Variants in ADD2 observed in about 807,000 individuals in gnomAD.
ADD2 encodes the protein adducin 2, also known as beta-adducin.
Under a neutral mutation model 83.0 loss-of-function variants are expected in ADD2, and 23 were observed. That is an observed-to-expected ratio of 0.28 (90% CI 0.20 to 0.39). The LOEUF is 0.39. Among genes scored for constraint, ADD2 ranks in the 10% least tolerant of loss-of-function variants. The probability of loss-of-function intolerance (pLI) is 1.00; values close to 1 mark genes in which losing one functional copy is unlikely to be tolerated. For synonymous variants in ADD2, 375 were observed against 375.4 expected (o/e 1.00, Z 0.01); for missense variants, 758 against 944.9 (o/e 0.80, Z 2.59).
chr2:70,764,218 A>G (rs1393045423), intron 1 of ADD2, among the ~76,000 whole-genome samples: 1 of 151,874 alleles, frequency 6.6e-6, no homozygotes, highest in Non-Finnish European at 1.5e-5. Flanking sequence ...TAAGGTACCT[A>G]TTGGAGAGTT....
chr2:70,689,559 G>A (rs1014913412), intron 8 of ADD2, among the ~76,000 whole-genome samples: 1 of 152,250 alleles, frequency 6.6e-6, no homozygotes, highest in Admixed American at 6.5e-5. Flanking sequence ...GCACTTCGTA[G>A]ATGTGAATAT....
intron 11 of ADD2, 97 bp from the exon 12 acceptor site, chr2:70,677,974 T>C (rs1273486314): frequency 6.5e-7 from 1 of 1,527,510 alleles, no homozygotes; most frequent in Non-Finnish European, 9.0e-7. Flanking sequence ...ACATCCTGCA[T>C]GGAAGGTCAG....
At chr2:70,688,527 T>C (rs1670858491) in intron 8 of ADD2, among the ~76,000 whole-genome samples, 1 of 152,222 alleles carries the variant, frequency 6.6e-6, no homozygotes, top group East Asian at 1.9e-4. Flanking sequence ...TTAAAGTGAA[T>C]GAAGTTGTTT....
intron 6 of ADD2, among the ~76,000 whole-genome samples, chr2:70,694,032 C>CAAAA (rs1671186688): frequency 6.6e-6 from 1 of 152,180 alleles, no homozygotes; most frequent in African/African-American, 2.4e-5. Context: ...GGTTGGATTT[C>CAAAA]ACCCTCTCTT....
intron 15 of ADD2, among the ~76,000 whole-genome samples, chr2:70,664,254 AATTCCTT>A (rs1675661568): frequency 1.3e-5 from 2 of 152,320 alleles, no homozygotes; most frequent in Middle Eastern, 3.4e-3. Context: ...GGGAGAGTGG[AATTCCTT>A]ATATAACACA....
At chr2:70,765,197 G>T (rs907838449) in intron 1 of ADD2, among the ~76,000 whole-genome samples, 1 of 150,466 alleles carries the variant, frequency 6.6e-6, no homozygotes, top group African/African-American at 2.5e-5. Context: ...TACTAAAAAT[G>T]CAAAAATTAG....
intron 12 of ADD2, among the ~76,000 whole-genome samples, chr2:70,677,128 A>T (rs1670194566): frequency 1.3e-5 from 2 of 152,176 alleles, no homozygotes; most frequent in Non-Finnish European, 2.9e-5. Flanking sequence ...AACTATGAAA[A>T]GTAAAATGAG....
Position 70,676,707 on chromosome 2 carries a change from A to C in ADD2, c.1593+89T>G. On this transcript the variant is annotated intron_variant, in intron 13 of 15. Coordinates refer to ENST00000264436, the MANE Select transcript of ADD2 (RefSeq NM_001617.4). The surrounding 1 kb of genome is among the most constrained non-coding windows in gnomAD (Gnocchi z 4.8). Reference sequence around the variant, plus strand: ...ATCACAGGGGAAGGTGGGTATGAGGACTCAGGGGTCCTGCAACCCAGCCCC... The same window carrying C: ...ATCACAGGGGAAGGTGGGTATGAGGCCTCAGGGGTCCTGCAACCCAGCCCC... The C allele has an allele frequency of 6.3e-7, 1 of 1,580,618 alleles. No individual in the cohort carries two copies.
intron 1 of ADD2, among the ~76,000 whole-genome samples, chr2:70,717,001 C>T (rs1299588419): frequency 6.6e-6 from 1 of 152,168 alleles, no homozygotes; most frequent in Non-Finnish European, 1.5e-5. Flanking sequence ...CTCCTTGGCT[C>T]TCCCATGTTC....
chr2:70,696,204 C>G, intron 5 of ADD2, 41 bp downstream of exon 5: 1 of 1,593,968 alleles, frequency 6.3e-7, no homozygotes, highest in Non-Finnish European at 8.5e-7. Flanking sequence ...TTTGTGGGAC[C>G]ACATGCAGTG....
chr2:70,762,604 A>G (rs1675173223), intron 1 of ADD2, among the ~76,000 whole-genome samples: 1 of 149,890 alleles, frequency 6.7e-6, no homozygotes, highest in Admixed American at 6.7e-5. Context: ...ATATAATTAC[A>G]TAATTATATA....
chr2:70,693,443 A>C (rs1553372067), intron 6 of ADD2, among the ~76,000 whole-genome samples: 1 of 152,194 alleles, frequency 6.6e-6, no homozygotes, highest in African/African-American at 2.4e-5. Flanking sequence ...CACACAGGGC[A>C]GTTCCTCAAC....
chr2:70,699,668 T>G (rs1450136161), intron 4 of ADD2, among the ~76,000 whole-genome samples: 1 of 152,050 alleles, frequency 6.6e-6, no homozygotes, highest in African/African-American at 2.4e-5. Flanking sequence ...TAGTCCCAGC[T>G]ACTTGGGAGG....
intron 1 of ADD2, among the ~76,000 whole-genome samples, chr2:70,739,161 C>A (rs1673742365): frequency 6.6e-6 from 1 of 152,040 alleles, no homozygotes; most frequent in Admixed American, 6.6e-5. Context: ...GTGTAATATC[C>A]AGCATCTATA....
intron 15 of ADD2, among the ~76,000 whole-genome samples, chr2:70,668,955 C>G (rs1553366621): frequency 6.6e-6 from 1 of 152,204 alleles, no homozygotes. Flanking sequence ...GAGAACTGGT[C>G]ACTGCCATGT....
intron 1 of ADD2, among the ~76,000 whole-genome samples, chr2:70,755,963 G>T (rs1674758464): frequency 6.6e-6 from 1 of 151,662 alleles, no homozygotes; most frequent in African/African-American, 2.4e-5. Flanking sequence ...GGAGGCTGAG[G>T]CAGGAGAATC....
intron 15 of ADD2, among the ~76,000 whole-genome samples, chr2:70,668,061 G>A (rs782748528): frequency 2.6e-5 from 4 of 152,098 alleles, no homozygotes; most frequent in Non-Finnish European, 5.9e-5. Flanking sequence ...CTTGAGCCGC[G>A]ACACCCATCT....
intron 1 of ADD2, among the ~76,000 whole-genome samples, chr2:70,716,995 T>C (rs1439529307): frequency 6.6e-6 from 1 of 152,150 alleles, no homozygotes; most frequent in Non-Finnish European, 1.5e-5. Flanking sequence ...AACAACCTCC[T>C]TGGCTCTCCC....
intron 1 of ADD2, among the ~76,000 whole-genome samples, chr2:70,713,875 T>A (rs1002781470): frequency 1.1e-4 from 17 of 151,904 alleles, no homozygotes; most frequent in African/African-American, 3.9e-4. Flanking sequence ...CAGATGCTAA[T>A]GTGAGTGATG....
Sources: allele counts gnomAD v4.1 joint callset (sites outside exome capture counted in the v4.1 genomes callset), GRCh38; gene constraint gnomAD v4.1.1; non-coding constraint Gnocchi (gnomAD v3.1); transcripts MANE v1.5; gene names NCBI Gene and HGNC (gene_info 2026-07-23, HGNC 2026-07-21).